The following CEP85L variants were observed in gnomAD, a reference collection of about 807,000 sequenced individuals.
CEP85L encodes centrosomal protein of 85 kDa-like.
Under a neutral mutation model 100.3 loss-of-function variants are expected in CEP85L, and 60 were observed. The ratio of observed to expected loss-of-function variants is 0.60; its 90% CI spans 0.49 to 0.74. The LOEUF (loss-of-function observed/expected upper bound fraction) is 0.74. Ranked by LOEUF, CEP85L falls within the 30% of genes least tolerant of loss-of-function variation. The pLI is 0.00. For synonymous variants in CEP85L, 319 were observed against 322.7 expected (o/e 0.99, Z 0.12); for missense variants, 973 against 936.2 (o/e 1.04, Z -0.51).
At chr6:118,669,230 C>A (rs539961074) in intron 1 of CEP85L, among the ~76,000 whole-genome samples, 1 of 152,262 alleles carries the variant, frequency 6.6e-6, no homozygotes, top group Non-Finnish European at 1.5e-5. Context: ...ACAGCTGTTC[C>A]CTTCTCTCAA....
chr6:118,669,946 C>A (rs1488743856), intron 1 of CEP85L, among the ~76,000 whole-genome samples: 1 of 149,552 alleles, frequency 6.7e-6, no homozygotes, highest in Non-Finnish European at 1.5e-5. Context: ...AAGGATCATA[C>A]TAGATGACCT....
rs146918366 is a variant in CEP85L, at chr6:118,555,685, T to C, written c.1020+9844A>G. ...CTTTTGTTTTAAGTTTGGGGGTATG[T>C]GTGAAGGTTTGTTACACAGGTAAAC... On this transcript the variant is annotated intron_variant, in intron 3 of 12. Coordinates refer to ENST00000368491, the MANE Select transcript of CEP85L (RefSeq NM_001042475.3). 9.2e-5 allele frequency among the ~76,000 whole-genome samples: 14 copies of C among 152,262 alleles called. No homozygotes were observed. The East Asian group carries it at 2.7e-3, about 29-fold the overall frequency.
At chr6:118,558,652 C>CAGAGAGAGAGAGAG (rs1482465423) in intron 3 of CEP85L, among the ~76,000 whole-genome samples, 34 of 132,976 alleles carry the variant, frequency 2.6e-4, no homozygotes, top group African/African-American at 1.1e-3. Context: ...CACACACACA[C>CAGAGAGAGAGAGAG]ACACACACAG....
intron 1 of CEP85L, among the ~76,000 whole-genome samples, chr6:118,688,020 G>T (rs548118023): frequency 8.1e-4 from 124 of 152,238 alleles, no homozygotes; most frequent in African/African-American, 2.7e-3. Flanking sequence ...CCATTCCTTG[G>T]AATCCGTGAG....
intron 8 of CEP85L, among the ~76,000 whole-genome samples, chr6:118,481,050 C>A (rs1459085118): frequency 6.6e-6 from 1 of 151,208 alleles, no homozygotes; most frequent in African/African-American, 2.4e-5. Context: ...CACGTACTTA[C>A]AACTGTATTA....
chr6:118,465,400 C>T lies in CEP85L; in HGVS notation c.*5G>A. ...GGTCATTATTGCTGTGGGACTAACACTTGATCACTGAGTAATGCAGTTGTC... is the reference window on the plus strand; with the variant it reads ...GGTCATTATTGCTGTGGGACTAACATTTGATCACTGAGTAATGCAGTTGTC... On this transcript the variant is annotated 3_prime_UTR_variant, in exon 13 of 13. Coordinates refer to ENST00000368491, the MANE Select transcript of CEP85L (RefSeq NM_001042475.3). 2 of 1,611,980 alleles carry T rather than the reference C, an allele frequency of 1.2e-6. No homozygotes were observed. The highest frequency in any genetic ancestry group is 1.7e-6 in the Non-Finnish European group (2 of 1,178,734).
chr6:118,617,245 CA>C (rs1773121888), intron 2 of CEP85L, among the ~76,000 whole-genome samples: 1 of 151,950 alleles, frequency 6.6e-6, no homozygotes, highest in Non-Finnish European at 1.5e-5. Context: ...TTCCTAACAC[CA>C]GGATTTACTT....
chr6:118,660,070 C>T (rs1393612555), intron 1 of CEP85L, among the ~76,000 whole-genome samples: 1 of 152,132 alleles, frequency 6.6e-6, no homozygotes, highest in African/African-American at 2.4e-5. Flanking sequence ...AGTGTGTCTC[C>T]TTGTTTTCGT....
chr6:118,495,477 T>C (rs1331613017), intron 5 of CEP85L, among the ~76,000 whole-genome samples: 10 of 152,160 alleles, frequency 6.6e-5, no homozygotes, highest in African/African-American at 2.4e-4. Context: ...CTTTTCCCTC[T>C]TTGCTCAGCA....
intron 5 of CEP85L, chr6:118,502,286 A>C (rs757311262): frequency 3.5e-5 from 19 of 535,872 alleles, no homozygotes; most frequent in Non-Finnish European, 5.5e-5. Context: ...GATTTAATCT[A>C]TGCAATCTAT....
At chr6:118,518,419 A>G (rs1776414571) in intron 4 of CEP85L, among the ~76,000 whole-genome samples, 1 of 152,092 alleles carries the variant, frequency 6.6e-6, no homozygotes, top group Non-Finnish European at 1.5e-5. Context: ...CTTGTTATTG[A>G]TCCATTCAGG....
At chr6:118,501,245 G>A (rs1226814588) in intron 5 of CEP85L, among the ~76,000 whole-genome samples, 1 of 152,200 alleles carries the variant, frequency 6.6e-6, no homozygotes, top group Non-Finnish European at 1.5e-5. Flanking sequence ...CCAGGCCCTG[G>A]TGCCCACCTC....
chr6:118,542,620 G>A (rs1393466780), intron 3 of CEP85L, among the ~76,000 whole-genome samples: 2 of 151,940 alleles, frequency 1.3e-5, no homozygotes, highest in African/African-American at 4.8e-5. Context: ...GAGTAAGGTA[G>A]AGAGAGGACA....
chr6:118,573,278 T>C (rs1343544179), intron 2 of CEP85L, among the ~76,000 whole-genome samples: 1 of 152,196 alleles, frequency 6.6e-6, no homozygotes, highest in Non-Finnish European at 1.5e-5. Flanking sequence ...AATGGACTAA[T>C]ATCTTCAAAG....
rs1364437410 is a variant in CEP85L, at chr6:118,614,935, T to TATTATAAATGTATTTCTAA, written c.232+17499_232+17517dup. On this transcript the variant is annotated intron_variant, in intron 2 of 12. Transcript: ENST00000368491. ...TTTTTTAAAAGCAAATGTATTTCTA[T>TATTATAAATGTATTTCTAA]ATTATAAATGTATTTCTAAACTTAT... 9.2e-5 allele frequency among the ~76,000 whole-genome samples: 14 copies of TATTATAAATGTATTTCTAA among 152,360 alleles called. No individual in the cohort carries two copies. The East Asian group carries it at 2.5e-3, about 27-fold the overall frequency.
At chr6:118,593,680 G>C (rs1206810164) in intron 2 of CEP85L, among the ~76,000 whole-genome samples, 1 of 110,222 alleles carries the variant, frequency 9.1e-6, no homozygotes, top group Non-Finnish European at 2.1e-5. Context: ...CAATAATGCT[G>C]TTTAAAAAAA....
intron 3 of CEP85L, among the ~76,000 whole-genome samples, chr6:118,534,694 A>G (rs1777486881): frequency 6.6e-6 from 1 of 152,016 alleles, no homozygotes; most frequent in African/African-American, 2.4e-5. Flanking sequence ...GGGAAAGGTA[A>G]TTAAATGGGA....
intron 2 of CEP85L, among the ~76,000 whole-genome samples, chr6:118,597,062 C>T (rs1432171766): frequency 6.6e-6 from 1 of 151,980 alleles, no homozygotes; most frequent in East Asian, 1.9e-4. Context: ...ATTTTTTTCC[C>T]CCTTTGCTCG....
chr6:118,477,205 T>C (rs1773448813), intron 10 of CEP85L, among the ~76,000 whole-genome samples: 2 of 152,194 alleles, frequency 1.3e-5, no homozygotes, highest in South Asian at 4.1e-4. Flanking sequence ...AAGGTATTCA[T>C]GCCAGTTAAC....
Sources: allele counts gnomAD v4.1 joint callset (sites outside exome capture counted in the v4.1 genomes callset), GRCh38; gene constraint gnomAD v4.1.1; transcripts MANE v1.5; gene names NCBI Gene and HGNC (gene_info 2026-07-23, HGNC 2026-07-21).